MYO6: variants seen among roughly 807,000 people sequenced by gnomAD.
The protein encoded by MYO6 is unconventional myosin-VI.
A neutral mutation model predicts 178.7 loss-of-function variants in MYO6; 74 were observed. That is an observed-to-expected ratio of 0.41 (90% CI 0.34 to 0.50). The LOEUF is 0.50. Among genes scored for constraint, MYO6 ranks in the 20% least tolerant of loss-of-function variants. The probability of loss-of-function intolerance (pLI) is 0.09; values close to 1 mark genes in which losing one functional copy is unlikely to be tolerated. For missense variants in MYO6, 1,330 were observed against 1,547.4 expected, an observed-to-expected ratio of 0.86 and a Z score of 2.36; for synonymous variants, 477 against 504.6, an observed-to-expected ratio of 0.95 and a Z score of 0.73.
At chr6:75,892,712 G>A (rs1778998375) in intron 28 of MYO6, 22 bp downstream of exon 28, 4 of 1,611,650 alleles carry the variant, frequency 2.5e-6, no homozygotes, top group Non-Finnish European at 2.5e-6. Context: ...CCTGGGTGGG[G>A]TATAGCGCTC....
At chr6:75,878,772 C>T (rs912028723) in intron 20 of MYO6, among the ~76,000 whole-genome samples, 2 of 152,114 alleles carry the variant, frequency 1.3e-5, no homozygotes, top group Non-Finnish European at 2.9e-5. Flanking sequence ...ATTGAATAAT[C>T]TTACTTTCTC....
intron 20 of MYO6, among the ~76,000 whole-genome samples, chr6:75,879,344 A>G (rs952062166): frequency 6.6e-6 from 1 of 151,900 alleles, no homozygotes; most frequent in Non-Finnish European, 1.5e-5. Context: ...CCTTTGGCTC[A>G]GATGATCCTC....
At chr6:75,900,759 T>C (rs922015748) in intron 30 of MYO6, among the ~76,000 whole-genome samples, 1 of 151,854 alleles carries the variant, frequency 6.6e-6, no homozygotes, top group African/African-American at 2.4e-5. Context: ...TTGTCAATTT[T>C]GGCTTTTGTT....
chr6:75,844,541 A>G (rs531143067), intron 9 of MYO6, among the ~76,000 whole-genome samples: 4 of 152,206 alleles, frequency 2.6e-5, no homozygotes, highest in East Asian at 3.9e-4. Flanking sequence ...TTGAGATTCT[A>G]CATATTTAGT....
At chr6:75,856,806 T>C (rs1438942993) in intron 12 of MYO6, among the ~76,000 whole-genome samples, 1 of 152,178 alleles carries the variant, frequency 6.6e-6, no homozygotes, top group Admixed American at 6.5e-5. Context: ...AAAGGGAGGT[T>C]ATTCCTTTGA....
At chr6:75,753,721 C>G (rs1160836825) in intron 1 of MYO6, among the ~76,000 whole-genome samples, 2 of 151,984 alleles carry the variant, frequency 1.3e-5, no homozygotes, top group African/African-American at 4.8e-5. Flanking sequence ...CTCGGGCTCC[C>G]AAAGTACTGG....
At chr6:75,832,025 A>G (rs950515270) in intron 5 of MYO6, among the ~76,000 whole-genome samples, 3 of 152,186 alleles carry the variant, frequency 2.0e-5, no homozygotes, top group Non-Finnish European at 4.4e-5. Flanking sequence ...TGAGGTGAGA[A>G]ATAGTTGTCT....
intron 5 of MYO6, among the ~76,000 whole-genome samples, chr6:75,830,890 GTCC>G (rs1418168275): frequency 6.6e-6 from 1 of 152,194 alleles, no homozygotes; most frequent in East Asian, 1.9e-4. Flanking sequence ...TCTTAAAATT[GTCC>G]TCCTTCACAA....
chr6:75,887,739 C>T (rs1306204230), intron 25 of MYO6, among the ~76,000 whole-genome samples: 19 of 149,830 alleles, frequency 1.3e-4, no homozygotes, highest in African/African-American at 3.7e-4. Flanking sequence ...TTTGGGAGGC[C>T]GAGGCAGGCG....
chr6:75,867,966 A>C (rs1776832399), intron 18 of MYO6, among the ~76,000 whole-genome samples: 1 of 152,152 alleles, frequency 6.6e-6, no homozygotes, highest in Admixed American at 6.5e-5. Flanking sequence ...TTAATTTCTT[A>C]TATATTTCTA....
chr6:75,767,047 A>G (rs1369993215), intron 1 of MYO6, among the ~76,000 whole-genome samples: 2 of 146,020 alleles, frequency 1.4e-5, no homozygotes, highest in African/African-American at 2.5e-5. Flanking sequence ...TTTTTTTGAG[A>G]TGGAGTCTTG....
intron 13 of MYO6, 64 bp from the exon 14 acceptor site, chr6:75,858,838 C>T (rs1775949947): frequency 3.2e-6 from 3 of 925,978 alleles, no homozygotes; most frequent in Non-Finnish European, 5.2e-6. Context: ...TACATTTTAT[C>T]CTATGATAAA....
chr6:75,820,527 G>A (rs760114980), intron 2 of MYO6, among the ~76,000 whole-genome samples: 1 of 151,984 alleles, frequency 6.6e-6, no homozygotes, highest in African/African-American at 2.4e-5. Context: ...CCACCACCAT[G>A]TCTGGCTAAT....
At chr6:75,894,976 A>G (rs762598038) in intron 28 of MYO6, 21 of 686,716 alleles carry the variant, frequency 3.1e-5, no homozygotes, top group Non-Finnish European at 4.6e-5. Context: ...ATTAAAAACA[A>G]ACCTCACAAT....
At position 75,856,976 on chromosome 6, in the gene MYO6, C is replaced by T. The variant is rs1451755631; in HGVS notation, c.1224-121C>T. The T allele has an allele frequency of 2.6e-5, 23 of 892,598 alleles. No individual in the cohort carries two copies. The East Asian group carries it at 5.0e-4, about 19-fold the overall frequency. 55.3% of individuals were successfully genotyped at this position (892,598 alleles called of 1,614,324 possible). A position where few individuals can be genotyped will look rare whatever the true frequency, so the allele number is the denominator to read the frequency against. ...AGCCCCATTTATCTGTGCCTATTCT[C>T]ACATGACCTTTGGTAACTCTTTATT... On this transcript the variant is annotated intron_variant, in intron 12 of 34. Coordinates refer to ENST00000369977, the MANE Select transcript of MYO6 (RefSeq NM_004999.4).
chr6:75,849,182 G>A (rs1775020376), intron 11 of MYO6, among the ~76,000 whole-genome samples: 1 of 152,104 alleles, frequency 6.6e-6, no homozygotes, highest in African/African-American at 2.4e-5. Flanking sequence ...AATTTTATTG[G>A]AACAATGCCA....
rs776798066 is a variant in MYO6, at chr6:75,835,940, T to A, written c.537T>A (p.Asp179Glu). The change falls in exon 7 of 35, where the codon GAT (aspartate) becomes GAA (glutamate). Residue 179 changes from aspartate to glutamate, a missense_variant. Coordinates refer to ENST00000369977, the MANE Select transcript of MYO6 (RefSeq NM_004999.4). ...TESYGTGQDI[D>E]DRIVEANPLL... The stretch of plus-strand genomic sequence containing the variant: ...CCTATGGAACAGGTCAAGATATTGA[T>A]GACAGAATTGTTGAAGGTATTGCTA... 1.2e-6 allele frequency: 2 copies of A among 1,607,800 alleles called. No homozygotes were observed. Among genetic ancestry groups the A allele is most frequent in the South Asian group, 2.2e-5 (2 of 90,950 alleles).
Position 75,830,558 on chromosome 6 carries a change from A to C in MYO6, c.391+13A>C. 1 of 1,608,274 alleles carries C rather than the reference A, an allele frequency of 6.2e-7. No homozygotes were observed. The highest frequency in any genetic ancestry group is 8.5e-7 in the Non-Finnish European group (1 of 1,175,172). On this transcript the variant is annotated intron_variant, in intron 5 of 34. Coordinates refer to ENST00000369977, the MANE Select transcript of MYO6 (RefSeq NM_004999.4). ...GTCTTTGCAATTGGTAAGTGATTTTAAATGTATTTTAATTCTTGTCTTTCT... is the reference window on the plus strand; with the variant it reads ...GTCTTTGCAATTGGTAAGTGATTTTCAATGTATTTTAATTCTTGTCTTTCT...
intron 28 of MYO6, chr6:75,894,960 G>T: frequency 1.3e-6 from 1 of 757,396 alleles, no homozygotes. Flanking sequence ...ATAATATCCA[G>T]ATTCTATTAA....
Sources: allele counts gnomAD v4.1 joint callset (sites outside exome capture counted in the v4.1 genomes callset), GRCh38; gene constraint gnomAD v4.1.1; transcripts MANE v1.5; gene names NCBI Gene and HGNC (gene_info 2026-07-23, HGNC 2026-07-21).